Variants in RPRD2 observed in about 807,000 individuals in gnomAD.
RPRD2 encodes regulation of nuclear pre-mRNA domain containing 2.
A neutral mutation model predicts 104.4 loss-of-function variants in RPRD2; 12 were observed. The ratio of observed to expected loss-of-function variants is 0.11; its 90% CI spans 0.07 to 0.19. The LOEUF is 0.19. Among genes scored for constraint, RPRD2 ranks in the 10% least tolerant of loss-of-function variants. The pLI, the probability that RPRD2 is intolerant of heterozygous loss-of-function variation, is 1.00. For synonymous variants in RPRD2, 714 were observed against 684.9 expected (o/e 1.04, Z -0.66); for missense variants, 1,543 against 1,790.1 (o/e 0.86, Z 2.49).
intron 2 of RPRD2, among the ~76,000 whole-genome samples, chr1:150,433,924 T>TACAC (rs71667950): frequency 1.1e-4 from 15 of 141,746 alleles, no homozygotes; most frequent in East Asian, 5.9e-4. Context: ...ATAGTGTGTA[T>TACAC]ACACACACAC....
chr1:150,452,711 C>T (rs1341647492), intron 7 of RPRD2, among the ~76,000 whole-genome samples: 6 of 114,508 alleles, frequency 5.2e-5, no homozygotes, highest in Non-Finnish European at 9.9e-5. Context: ...ACTCTTGTTG[C>T]TCAGGCTGGA....
chr1:150,394,039 T>A (rs1038213971), intron 1 of RPRD2, among the ~76,000 whole-genome samples: 1 of 152,092 alleles, frequency 6.6e-6, no homozygotes, highest in Non-Finnish European at 1.5e-5. Context: ...TTTGTTGTTG[T>A]TGTTGTTTTC....
chr1:150,385,492 G>A (rs1268769293), intron 1 of RPRD2, among the ~76,000 whole-genome samples: 2 of 152,012 alleles, frequency 1.3e-5, no homozygotes, highest in East Asian at 3.9e-4. Flanking sequence ...TAAATAAGTA[G>A]TTAATATATT....
At chr1:150,408,455 G>A (rs587678917) in intron 1 of RPRD2, among the ~76,000 whole-genome samples, 1 of 151,998 alleles carries the variant, frequency 6.6e-6, no homozygotes, top group African/African-American at 2.4e-5. Flanking sequence ...CGCCTGGCCC[G>A]CCTATACATT....
rs1276084670 is a variant in RPRD2 at position 150,471,922 on chromosome 1, G to A, written c.2974G>A (p.Gly992Ser). The A allele has an allele frequency of 1.9e-6, 3 of 1,613,762 alleles. No individual in the cohort carries two copies. The highest frequency in any genetic ancestry group is 1.7e-5 in the Admixed American group (1 of 59,996). Residue 992 changes from glycine (G) to serine (S), a missense_variant, in exon 11 of 11, where the codon GGC (glycine) becomes AGC (serine). Physicochemically the swap from Gly to Ser is moderately conservative, Grantham distance 56. Transcript: ENST00000369068. This position sits in a 1 kb window ranked among gnomAD's most constrained non-coding sequence, Gnocchi z 5.3. ...TCCCACGGGTCACCCACCCACGTCA[G>A]GCGTGGAGAAAGTCCTGGCCTCCAC... The part of the protein sequence containing the change: ...AAPTGHPPTS[G>S]VEKVLASTIS...
chr1:150,388,497 G>GCT, intron 1 of RPRD2, among the ~76,000 whole-genome samples: 1 of 90,134 alleles, frequency 1.1e-5, no homozygotes, highest in African/African-American at 3.1e-5. Flanking sequence ...ATATACCCGC[G>GCT]CACACACACA....
At chr1:150,445,443 T>C (rs968909464) in intron 6 of RPRD2, among the ~76,000 whole-genome samples, 6 of 152,196 alleles carry the variant, frequency 3.9e-5, no homozygotes, top group Non-Finnish European at 8.8e-5. Flanking sequence ...AAAGAAGAAC[T>C]TTTATTGTGA....
At chr1:150,453,563 G>T (rs150958802) in intron 7 of RPRD2, among the ~76,000 whole-genome samples, 20 of 152,330 alleles carry the variant, frequency 1.3e-4, no homozygotes, top group African/African-American at 4.8e-4. Context: ...GGAAGGGAAA[G>T]AAATTTTTCA....
At chr1:150,445,416 A>C (rs1666690432) in intron 6 of RPRD2, among the ~76,000 whole-genome samples, 1 of 152,176 alleles carries the variant, frequency 6.6e-6, no homozygotes, top group Non-Finnish European at 1.5e-5. Flanking sequence ...AATTATCACG[A>C]ATCTTTTTCA....
chr1:150,396,931 TAATA>T (rs1234739255), intron 1 of RPRD2, among the ~76,000 whole-genome samples: 12 of 152,310 alleles, frequency 7.9e-5, no homozygotes, highest in African/African-American at 2.4e-4. Context: ...ATGATTACCA[TAATA>T]AATATATAAA....
intron 1 of RPRD2, among the ~76,000 whole-genome samples, chr1:150,384,811 G>A (rs1661443316): frequency 6.6e-6 from 1 of 151,938 alleles, no homozygotes; most frequent in Non-Finnish European, 1.5e-5. Context: ...CCAGCCAAAA[G>A]GCATGATTTT....
At position 150,471,942 on chromosome 1, in the gene RPRD2, C is replaced by T. The variant is rs2102446879; in HGVS notation, c.2994C>T (p.Ala998=). ...PPTSGVEKVL[A]STISTTSTIE... ...CGTCAGGCGTGGAGAAAGTCCTGGC[C>T]TCCACCATTTCCACCACGTCGACGA... The change falls in exon 11 of 11, where the codon GCC becomes GCT. Residue 998 remains alanine (A), a synonymous_variant. Transcript: ENST00000369068. This position sits in a 1 kb window ranked among gnomAD's most constrained non-coding sequence, Gnocchi z 5.3. The T allele has an allele frequency of 6.2e-7, 1 of 1,613,854 alleles. No homozygotes were observed. Among genetic ancestry groups the T allele is most frequent in the East Asian group, 2.2e-5 (1 of 44,880 alleles).
intron 1 of RPRD2, among the ~76,000 whole-genome samples, chr1:150,416,084 A>G (rs1270089062): frequency 6.6e-6 from 1 of 152,152 alleles, no homozygotes; most frequent in Non-Finnish European, 1.5e-5. Context: ...GTATGATTTA[A>G]TTTTTTGTAT....
chr1:150,386,455 G>C (rs770413927), intron 1 of RPRD2, among the ~76,000 whole-genome samples: 43 of 152,184 alleles, frequency 2.8e-4, no homozygotes, highest in Non-Finnish European at 5.9e-4. Context: ...GGGCTTGGTG[G>C]TGCTGCATTT....
In RPRD2 at chr1:150,441,933, G is replaced by A. The variant is rs1553894552; in HGVS notation, c.489G>A (p.Pro163=). ...TGAAAGAAAATCTGAACAAACAACCGAATAAGCAGTGGAAGAAATCACAAA... is the reference window on the plus strand; with the variant it reads ...TGAAAGAAAATCTGAACAAACAACCAAATAAGCAGTGGAAGAAATCACAAA... ...KQLKENLNKQ[P]NKQWKKSQTS... The change falls in exon 4 of 11, where the codon CCG becomes CCA. Residue 163 remains proline, a synonymous_variant. Coordinates refer to ENST00000369068, the MANE Select transcript of RPRD2 (RefSeq NM_015203.5). 1 of 1,611,918 alleles carries A rather than the reference G, an allele frequency of 6.2e-7. No homozygotes were observed. The highest frequency in any genetic ancestry group is 8.5e-7 in the Non-Finnish European group (1 of 1,179,032).
intron 1 of RPRD2, among the ~76,000 whole-genome samples, chr1:150,399,748 C>A (rs1553884949): frequency 7.0e-6 from 1 of 141,914 alleles, no homozygotes. Flanking sequence ...CAGAGTGAGA[C>A]CCCATCTCAA....
At chr1:150,370,847 A>C (rs1660246218) in intron 1 of RPRD2, among the ~76,000 whole-genome samples, 1 of 152,124 alleles carries the variant, frequency 6.6e-6, no homozygotes, top group Non-Finnish European at 1.5e-5. Context: ...AAGTGCTGAG[A>C]TTACAGGCAT....
intron 7 of RPRD2, among the ~76,000 whole-genome samples, chr1:150,451,303 C>T (rs1348065594): frequency 6.6e-6 from 1 of 152,076 alleles, no homozygotes; most frequent in African/African-American, 2.4e-5. Context: ...TAATGTTCCC[C>T]TTGATATTCT....
At chr1:150,411,321 C>T (rs781887691) in intron 1 of RPRD2, among the ~76,000 whole-genome samples, 3 of 148,962 alleles carry the variant, frequency 2.0e-5, no homozygotes, top group Admixed American at 6.7e-5. Flanking sequence ...ATTAGCCAGG[C>T]GTGCTGATGC....
Sources: allele counts gnomAD v4.1 joint callset (sites outside exome capture counted in the v4.1 genomes callset), GRCh38; gene constraint gnomAD v4.1.1; non-coding constraint Gnocchi (gnomAD v3.1); transcripts MANE v1.5; gene names NCBI Gene and HGNC (gene_info 2026-07-23, HGNC 2026-07-21).